AFP: variants seen among roughly 807,000 people sequenced by gnomAD.
AFP encodes alpha fetoprotein, also known as alpha-fetoprotein.
In AFP, 64 loss-of-function variants were observed where a neutral mutation model predicts 78.9. The ratio of observed to expected loss-of-function variants is 0.81; its 90% confidence interval spans 0.66 to 1.00. The LOEUF is 1.00. Ranked by LOEUF, AFP falls within the 50% of genes least tolerant of loss-of-function variation. The pLI is 0.00. For missense variants in AFP, 689 were observed against 703.8 expected (o/e 0.98, Z 0.24); for synonymous variants, 254 against 243.8 (o/e 1.04, Z -0.39).
In AFP at chr4:73,450,729, A is replaced by C. The variant is rs751992837; in HGVS notation, c.1404A>C (p.Lys468Asn). ...CTTGTTGCCAACTCAGTGAGGACAAACTATTGGCCTGTGGCGAGGGAGCGG... is the reference window on the plus strand; with the variant it reads ...CTTGTTGCCAACTCAGTGAGGACAACCTATTGGCCTGTGGCGAGGGAGCGG... The part of the protein sequence containing the change: ...AATCCQLSED[K>N]LLACGEGAAD... The change falls in exon 11 of 15, where the codon AAA (lysine) becomes AAC (asparagine). Residue 468 changes from lysine to asparagine, a missense_variant. Coordinates refer to ENST00000395792, the MANE Select transcript of AFP (RefSeq NM_001134.3). The C allele has an allele frequency of 8.1e-6, 13 of 1,614,074 alleles. No homozygotes were observed. The Admixed American group carries it at 2.2e-4, about 27-fold the overall frequency.
In AFP at chr4:73,442,265, A is replaced by G. The variant is rs753394549; in HGVS notation, c.483-31A>G. 2.5e-6 allele frequency: 4 copies of G among 1,604,124 alleles called. No individual in the cohort carries two copies. The South Asian group carries it at 4.4e-5, about 18-fold the overall frequency. On this transcript the variant is annotated intron_variant, in intron 4 of 14. Transcript: ENST00000395792. ...GTAGTAGTCCTATTTTTAGGTGTTT[A>G]TAAATCTTCTAGCTCTATTTTATTT...
Position 73,455,767 on chromosome 4 carries a change from C to T in AFP, c.*147C>T, listed in dbSNP as rs547473772. 1.7e-4 allele frequency: 108 copies of T among 635,612 alleles called. No individual in the cohort carries two copies. The Middle Eastern group carries it at 2.3e-3, about 14-fold the overall frequency. 39.4% of individuals were successfully genotyped at this position (635,612 alleles called of 1,614,324 possible). A position where few individuals can be genotyped will look rare whatever the true frequency, so the allele number is the denominator to read the frequency against. On this transcript the variant is annotated 3_prime_UTR_variant, in exon 15 of 15. Transcript: ENST00000395792. ...TTTCCTTATCACAGAAATAAAATATCTCCAAATGTTTCCTTTTCCAAGTTT... is the reference window on the plus strand; with the variant it reads ...TTTCCTTATCACAGAAATAAAATATTTCCAAATGTTTCCTTTTCCAAGTTT...
rs755937530 is a variant in AFP, at chr4:73,452,643, C to G, written c.1652+19C>G. The G allele has an allele frequency of 8.2e-6, 13 of 1,575,850 alleles. No individual in the cohort carries two copies. The South Asian group carries it at 1.4e-4, about 17-fold the overall frequency. ...AGCAAGAGTAAGAAACTGTTACTTGCTAGCATGGAAAAGAATGACAACCCC... is the reference window on the plus strand; with the variant it reads ...AGCAAGAGTAAGAAACTGTTACTTGGTAGCATGGAAAAGAATGACAACCCC... On this transcript the variant is annotated intron_variant, in intron 12 of 14. Transcript: ENST00000395792.
rs1403537901 is a variant in AFP, at chr4:73,437,140, A to G, written c.86-20A>G. On this transcript the variant is annotated intron_variant, in intron 1 of 14. Transcript: ENST00000395792. The stretch of plus-strand genomic sequence containing the variant: ...GTTGCAGTTGAAAACACGTTTCATG[A>G]AGTTTATTTTGCTTTCCAGCTTCCA... The G allele has an allele frequency of 1.3e-5, 20 of 1,595,590 alleles. No homozygotes were observed. The highest frequency in any genetic ancestry group is 1.5e-5 in the Non-Finnish European group (17 of 1,163,862).
Position 73,455,596 on chromosome 4 carries a change from A to C in AFP, c.*11-35A>C, listed in dbSNP as rs1720137749. On this transcript the variant is annotated intron_variant, in intron 14 of 14. Transcript: ENST00000395792. ...AGTTACTTACTGCACCTATTAGTTT[A>C]ATTAGTATTTAATATATTTTTGCTC... The C allele has an allele frequency of 1.8e-5, 12 of 682,710 alleles. No homozygotes were observed. In the East Asian group the frequency reaches 3.0e-4, roughly 17 times the overall value. The allele number at this position is 682,710 out of a possible 1,614,324, so 42.3% of individuals were successfully genotyped here. A position where few individuals can be genotyped will look rare whatever the true frequency, so the allele number is the denominator to read the frequency against.
intron 13 of AFP, among the ~76,000 whole-genome samples, chr4:73,454,833 GA>G (rs1254040993): frequency 6.6e-6 from 1 of 152,124 alleles, no homozygotes; most frequent in Non-Finnish European, 1.5e-5. Flanking sequence ...TGGTGAAACA[GA>G]TTTGATGTGA....
Position 73,447,466 on chromosome 4 carries a change from A to T in AFP, c.848A>T (p.Lys283Ile). ...DVLDCLQDGE[K>I]IMSYICSQQD... ...ACTTTATTTTCTCTGTTGCAGGAAAAAATCATGTCCTACATATGTTCTCAA... is the reference window on the plus strand; with the variant it reads ...ACTTTATTTTCTCTGTTGCAGGAAATAATCATGTCCTACATATGTTCTCAA... Residue 283 changes from lysine to isoleucine, a missense_variant, in exon 8 of 15, where the codon AAA (lysine) becomes ATA (isoleucine). Transcript: ENST00000395792. 6.2e-7 allele frequency: 1 copy of T among 1,603,296 alleles called. No individual in the cohort carries two copies. Among genetic ancestry groups the T allele is most frequent in the Non-Finnish European group, 8.5e-7 (1 of 1,174,678 alleles).
At chr4:73,441,680 T>G (rs1317673636) in intron 4 of AFP, among the ~76,000 whole-genome samples, 4 of 152,144 alleles carry the variant, frequency 2.6e-5, no homozygotes, top group African/African-American at 9.7e-5. Context: ...TCTTCATTCT[T>G]CTTCTTTCCC....
At chr4:73,439,447 T>TA (rs1223014190) in intron 3 of AFP, among the ~76,000 whole-genome samples, 2 of 152,286 alleles carry the variant, frequency 1.3e-5, no homozygotes, top group Admixed American at 1.3e-4. Flanking sequence ...AAAATGTGTA[T>TA]AAAAAAACAA....
At position 73,439,321 on chromosome 4, in the gene AFP, T is replaced by G. The variant is rs370741812; in HGVS notation, c.270+1015T>G. ...GAAAGACAATGTACCTGGAATATCA[T>G]AGAAGAGATGCTCCTTTAAGGATAT... On this transcript the variant is annotated intron_variant, in intron 3 of 14. Coordinates refer to ENST00000395792, the MANE Select transcript of AFP (RefSeq NM_001134.3). 2.0e-3 allele frequency among the ~76,000 whole-genome samples: 305 copies of G among 152,300 alleles called. 3 individuals are homozygous for G. In the South Asian group the frequency reaches 0.028, roughly 14 times the overall value.
intron 8 of AFP, among the ~76,000 whole-genome samples, chr4:73,448,518 G>T (rs890848334): frequency 4.6e-5 from 7 of 152,106 alleles, no homozygotes; most frequent in African/African-American, 1.4e-4. Flanking sequence ...CACATTGTTT[G>T]CACTGCTAAA....
chr4:73,448,826 T>A (rs1393790162), intron 8 of AFP, among the ~76,000 whole-genome samples: 1 of 152,184 alleles, frequency 6.6e-6, no homozygotes, highest in Non-Finnish European at 1.5e-5. Context: ...AGAATTTTCT[T>A]GACCACATTC....
At position 73,438,284 on chromosome 4, in the gene AFP, C is replaced by A. The variant is rs748563961; in HGVS notation, c.248C>A (p.Ser83Tyr). ...GAGAAACCCACTGGAGATGAACAGT[C>A]TTCAGGGTGTTTAGAAAACCAGGTG... The part of the protein sequence containing the change: ...AIEKPTGDEQ[S>Y]SGCLENQLPA... Residue 83 changes from serine to tyrosine, a missense_variant, in exon 3 of 15, where the codon TCT (serine) becomes TAT (tyrosine). Coordinates refer to ENST00000395792, the MANE Select transcript of AFP (RefSeq NM_001134.3). The A allele has an allele frequency of 3.7e-6, 6 of 1,613,130 alleles. No individual in the cohort carries two copies. The highest frequency in any genetic ancestry group is 5.1e-6 in the Non-Finnish European group (6 of 1,179,380).
chr4:73,436,321 CACTGCATAG>C lies in AFP; in HGVS notation c.61_69del (p.Leu21_Arg23del), dbSNP rs766549436. 5 of 1,597,922 alleles carry C rather than the reference CACTGCATAG, an allele frequency of 3.1e-6. No individual in the cohort carries two copies. Among genetic ancestry groups the C allele is most frequent in the Non-Finnish European group, 4.3e-6 (5 of 1,168,406 alleles). ...CTACTAAATTTTACTGAATCCAGAA[CACTGCATAG>C]AAATGAATATGGAATAGGTGAGATA... On this transcript the variant is annotated inframe_deletion, in exon 1 of 15. Coordinates refer to ENST00000395792, the MANE Select transcript of AFP (RefSeq NM_001134.3).
In AFP at chr4:73,445,135, G is replaced by T; in HGVS notation, c.843+13G>T. 3 of 1,613,446 alleles carry T rather than the reference G, an allele frequency of 1.9e-6. No homozygotes were observed. Among genetic ancestry groups the T allele is most frequent in the Non-Finnish European group, 2.5e-6 (3 of 1,179,536 alleles). On this transcript the variant is annotated intron_variant, in intron 7 of 14. Transcript: ENST00000395792. ...TCTGCAGGATGGGGTGAAGAGTCTTGCTTCTTAAAATAGAAGATTTTCACT... is the reference window on the plus strand; with the variant it reads ...TCTGCAGGATGGGGTGAAGAGTCTTTCTTCTTAAAATAGAAGATTTTCACT...
chr4:73,449,620 A>G (rs950208315), intron 9 of AFP, among the ~76,000 whole-genome samples, 153 bp downstream of exon 9: 8 of 152,230 alleles, frequency 5.3e-5, no homozygotes, highest in African/African-American at 1.7e-4. Context: ...ACTAGCAGTC[A>G]GCAGCTAGTG....
intron 2 of AFP, among the ~76,000 whole-genome samples, chr4:73,437,491 C>G (rs1719541149): frequency 6.6e-6 from 1 of 151,958 alleles, no homozygotes; most frequent in Admixed American, 6.6e-5. Flanking sequence ...CAGCCATATA[C>G]TAATTCAGGA....
Position 73,451,296 on chromosome 4 carries a change from G to A in AFP, c.1428+543G>A, listed in dbSNP as rs563194303. ...TGTTCTGAATAGTAAAATGACTTTC[G>A]AGTCAGTAATGCCAATATTCTTTAC... is the stretch of plus-strand genomic sequence containing the variant. On this transcript the variant is annotated intron_variant, in intron 11 of 14. Coordinates refer to ENST00000395792, the MANE Select transcript of AFP (RefSeq NM_001134.3). Among the ~76,000 whole-genome samples the A allele has an allele frequency of 3.3e-5, 5 of 152,104 alleles. No homozygotes were observed. The South Asian group carries it at 6.2e-4, about 19-fold the overall frequency.
At chr4:73,437,124 G>A (rs1169362440) in intron 1 of AFP, 36 bp from the exon 2 acceptor site, 6 of 1,540,172 alleles carry the variant, frequency 3.9e-6, no homozygotes, top group Non-Finnish European at 5.4e-6. Context: ...GGTTGCAGTT[G>A]AAAACACGTT....
Sources: gnomAD v4.1 joint callset for allele counts (sites outside exome capture counted in the v4.1 genomes callset) on GRCh38, gnomAD v4.1.1 for gene constraint, MANE v1.5 for transcripts, NCBI Gene and HGNC (gene_info 2026-07-23, HGNC 2026-07-21) for gene names.